Variants in TBC1D20 observed in about 807,000 individuals in gnomAD.
TBC1D20 encodes chromosome 20 open reading frame 140.
TBC1D20 carries 12 observed loss-of-function variants against 41.6 expected under a neutral mutation model. That is an observed-to-expected ratio of 0.29 (90% CI 0.18 to 0.47). TBC1D20 has a LOEUF of 0.47. TBC1D20 is among the 20% of genes least tolerant of loss of function. The probability of loss-of-function intolerance (pLI) is 1.00; values close to 1 mark genes in which losing one functional copy is unlikely to be tolerated. For synonymous variants in TBC1D20, 205 were observed against 204.8 expected (o/e 1.00, Z -0.01); for missense variants, 421 against 517.4 (o/e 0.81, Z 1.81).
intron 1 of TBC1D20, among the ~76,000 whole-genome samples, chr20:458,660 C>G (rs2017581932): frequency 6.6e-6 from 1 of 152,082 alleles, no homozygotes; most frequent in Non-Finnish European, 1.5e-5. Flanking sequence ...CTTACTATTT[C>G]AAAATTTTTG....
intron 2 of TBC1D20, among the ~76,000 whole-genome samples, chr20:447,185 C>T (rs1390060395): frequency 6.9e-6 from 1 of 143,898 alleles, no homozygotes; most frequent in Non-Finnish European, 1.5e-5. Context: ...TGGTCTTGAA[C>T]TTCTGACCTC....
In TBC1D20 at chr20:456,678, C is replaced by A. The variant is rs370458017; in HGVS notation, c.70+5658G>T. Among the ~76,000 whole-genome samples the A allele has an allele frequency of 2.6e-4, 40 of 152,288 alleles. No homozygotes were observed. In the East Asian group the frequency reaches 5.2e-3, roughly 20 times the overall value. On this transcript the variant is annotated intron_variant, in intron 1 of 7. Coordinates refer to ENST00000354200, the MANE Select transcript of TBC1D20 (RefSeq NM_144628.4). ...CTCCTGGGTTTGAGCAGTTCTCCTGCCTCAGCCTCCCGAGTAGCTGGGATT... is the reference window on the plus strand; with the variant it reads ...CTCCTGGGTTTGAGCAGTTCTCCTGACTCAGCCTCCCGAGTAGCTGGGATT...
chr20:453,367 G>A (rs1366394201), intron 1 of TBC1D20, among the ~76,000 whole-genome samples: 3 of 147,468 alleles, frequency 2.0e-5, no homozygotes, highest in Non-Finnish European at 4.5e-5. Context: ...CCAGCTACTC[G>A]GGAGGCTGAG....
chr20:439,149 G>A lies in TBC1D20; in HGVS notation c.915C>T (p.Ser305=), dbSNP rs779978061. ...AGDLFVQFPP[S]ELAREAAAQQ... is the part of the protein sequence containing the mutation. ...GGGCAGCGGCCTCCCGAGCAAGTTC[G>A]GATGGGGGAAACTGAACAAAAAGGT... The change falls in exon 7 of 8, where the codon TCC becomes TCT. Residue 305 remains serine, a synonymous_variant. Transcript: ENST00000354200. The surrounding 1 kb of genome is among the most constrained non-coding windows in gnomAD (Gnocchi z 4.6). 7.4e-6 allele frequency: 12 copies of A among 1,613,918 alleles called. No homozygotes were observed. In the Admixed American group the frequency reaches 8.3e-5, roughly 11 times the overall value.
rs774242441 is a variant in TBC1D20 at position 436,354 on chromosome 20, A to G, written c.*2232T>C. 17 of 152,378 alleles carry G rather than the reference A, an allele frequency of 1.1e-4. No homozygotes were observed. The highest frequency in any genetic ancestry group is 4.4e-5 in the Non-Finnish European group (3 of 68,048). The allele number at this position is 152,378 out of a possible 1,614,324, so 9.4% of individuals were successfully genotyped here. On this transcript the variant is annotated 3_prime_UTR_variant, in exon 8 of 8. Coordinates refer to ENST00000354200, the MANE Select transcript of TBC1D20 (RefSeq NM_144628.4). The stretch of plus-strand genomic sequence containing the variant: ...AATATTTACACATATTCTTTACAGA[A>G]TAAGTAAACCACCTGAAGGTAATTA...
At chr20:443,877 A>G (rs1473279059) in intron 3 of TBC1D20, among the ~76,000 whole-genome samples, 1 of 152,138 alleles carries the variant, frequency 6.6e-6, no homozygotes, top group Non-Finnish European at 1.5e-5. Context: ...TAATCCCAGC[A>G]CTTTGGGAGG....
intron 1 of TBC1D20, among the ~76,000 whole-genome samples, chr20:453,914 G>A (rs1806961123): frequency 6.8e-6 from 1 of 146,402 alleles, no homozygotes; most frequent in Non-Finnish European, 1.5e-5. Flanking sequence ...AGACGAGCCT[G>A]GCCAACATGG....
rs982718706 is a variant in TBC1D20 at position 438,823 on chromosome 20, G to T, written c.975C>A (p.Phe325Leu). The T allele has an allele frequency of 1.9e-6, 3 of 1,613,642 alleles. No homozygotes were observed. Among genetic ancestry groups the T allele is most frequent in the Non-Finnish European group, 2.5e-6 (3 of 1,179,570 alleles). Reference protein sequence around the residue: ...QQAERTAASTFKDFELASAQQ... With the variant: ...QQAERTAASTLKDFELASAQQ... ...GGGCTGATGCCAGCTCAAAGTCTTT[G>T]AAAGTAGAGGCTGCCGTCCTGCAGG... The change falls in exon 8 of 8, where the codon TTC becomes TTA. Residue 325 changes from phenylalanine (F) to leucine (L), a missense_variant. Coordinates refer to ENST00000354200, the MANE Select transcript of TBC1D20 (RefSeq NM_144628.4).
At chr20:460,208 G>T (rs1009876772) in intron 1 of TBC1D20, among the ~76,000 whole-genome samples, 4 of 152,042 alleles carry the variant, frequency 2.6e-5, no homozygotes, top group East Asian at 3.9e-4. Context: ...ACAATGGAAG[G>T]GGGGGGCCGT....
intron 3 of TBC1D20, among the ~76,000 whole-genome samples, chr20:444,796 A>G (rs920507663): frequency 2.6e-5 from 4 of 152,254 alleles, no homozygotes; most frequent in Admixed American, 6.5e-5. Flanking sequence ...AATCCTTATT[A>G]ACTCCTTTTT....
At chr20:459,788 A>G (rs1196061655) in intron 1 of TBC1D20, among the ~76,000 whole-genome samples, 1 of 152,236 alleles carries the variant, frequency 6.6e-6, no homozygotes, top group East Asian at 1.9e-4. Flanking sequence ...AATTTTAACA[A>G]TGGGACACTT....
chr20:451,869 G>A (rs956122059), intron 1 of TBC1D20, among the ~76,000 whole-genome samples: 1 of 152,138 alleles, frequency 6.6e-6, no homozygotes, highest in Admixed American at 6.6e-5. Flanking sequence ...GATGGTTTGA[G>A]CCTCACCACT....
Position 440,413 on chromosome 20 carries a change from G to T in TBC1D20, c.627-24C>A, listed in dbSNP as rs1289820317. Reference sequence around the variant, plus strand: ...CACTAGAAACAAAGGAAAGGCAGGTGTCAGGTCCTGTGGGCCATCCCTTCC... The same window carrying T: ...CACTAGAAACAAAGGAAAGGCAGGTTTCAGGTCCTGTGGGCCATCCCTTCC... On this transcript the variant is annotated intron_variant, in intron 5 of 7. Transcript: ENST00000354200. The T allele has an allele frequency of 3.1e-6, 5 of 1,613,456 alleles. No homozygotes were observed. The East Asian group carries it at 8.9e-5, about 29-fold the overall frequency.
chr20:440,654 G>A (rs1011600395), intron 5 of TBC1D20: 1 of 376,300 alleles, frequency 2.7e-6, no homozygotes, highest in Non-Finnish European at 4.8e-6. Flanking sequence ...CTACAGGAAC[G>A]AGAAGCAGTT....
intron 2 of TBC1D20, among the ~76,000 whole-genome samples, chr20:446,021 G>A (rs2017325333): frequency 6.6e-6 from 1 of 152,252 alleles, no homozygotes; most frequent in African/African-American, 2.4e-5. Flanking sequence ...GTGACATCAT[G>A]ACGCTGTGAA....
rs74734064 is a variant in TBC1D20 at position 445,677 on chromosome 20, C to T, written c.257-547G>A. ...GCAAAGAGGAGACAGTCCTTGTGTT[C>T]AGCTGCTAAGTCCAATACAGCATGA... On this transcript the variant is annotated intron_variant, in intron 2 of 7. Transcript: ENST00000354200. Among the ~76,000 whole-genome samples, 490 of 152,338 alleles carry T rather than the reference C, an allele frequency of 3.2e-3. 4 individuals are homozygous for T. Among genetic ancestry groups the T allele is most frequent in the South Asian group, 0.026 (127 of 4,828 alleles).
chr20:440,492 T>G, intron 5 of TBC1D20, 103 bp from the exon 6 acceptor site: 2 of 1,424,286 alleles, frequency 1.4e-6, no homozygotes, highest in Non-Finnish European at 9.4e-7. Flanking sequence ...GAATAAGATT[T>G]CTGGAAAATT....
intron 3 of TBC1D20, among the ~76,000 whole-genome samples, chr20:444,131 A>T (rs943699674): frequency 1.7e-4 from 21 of 126,220 alleles, no homozygotes; most frequent in African/African-American, 5.5e-4. Context: ...CTCTGTCTTT[A>T]AAAAAAAAAA....
chr20:455,214 TGG>T (rs2017519798), intron 1 of TBC1D20, among the ~76,000 whole-genome samples: 1 of 152,218 alleles, frequency 6.6e-6, no homozygotes, highest in Non-Finnish European at 1.5e-5. Context: ...GAGATCTTCC[TGG>T]TTTATACCTA....
Sources: allele counts gnomAD v4.1 joint callset (sites outside exome capture counted in the v4.1 genomes callset), GRCh38; gene constraint gnomAD v4.1.1; non-coding constraint Gnocchi (gnomAD v3.1); transcripts MANE v1.5; gene names NCBI Gene and HGNC (gene_info 2026-07-23, HGNC 2026-07-21).